PSME4: variants seen among roughly 807,000 people sequenced by gnomAD.
PSME4 encodes the protein proteasome activator subunit 4.
Under a neutral mutation model 253.9 loss-of-function variants are expected in PSME4, and 89 were observed. The observed-to-expected ratio is 0.35, with a 90% CI of 0.30 to 0.42. The LOEUF (loss-of-function observed/expected upper bound fraction) is 0.42. PSME4 is among the 10% of genes least tolerant of loss of function. PSME4 has a pLI of 1.00. For missense variants in PSME4, 2,014 were observed against 2,195.2 expected (o/e 0.92, Z 1.65); for synonymous variants, 851 against 759.2 (o/e 1.12, Z -1.99).
intron 1 of PSME4, among the ~76,000 whole-genome samples, chr2:53,952,047 A>G (rs1670023679): frequency 1.3e-5 from 2 of 152,030 alleles, no homozygotes. Context: ...GAACACAAAC[A>G]TCTCCCTAAA....
intron 20 of PSME4, among the ~76,000 whole-genome samples, chr2:53,918,609 G>GGC (rs968654024): frequency 2.6e-5 from 4 of 151,686 alleles, no homozygotes; most frequent in African/African-American, 9.7e-5. Flanking sequence ...CACCGCACTG[G>GGC]GCCTCTGCTG....
chr2:53,970,296 C>T (rs182580298), intron 1 of PSME4, among the ~76,000 whole-genome samples: 274 of 152,328 alleles, frequency 1.8e-3, no homozygotes, highest in Non-Finnish European at 2.9e-3. Flanking sequence ...AACCCGAACA[C>T]TTCGGGAGAA....
chr2:53,970,475 C>T lies in PSME4; in HGVS notation c.242+68G>A, dbSNP rs1671013404. 6 of 1,544,176 alleles carry T rather than the reference C, an allele frequency of 3.9e-6. No individual in the cohort carries two copies. In the South Asian group the frequency reaches 4.8e-5, roughly 12 times the overall value. ...AGGGTCCAGCCCTCTGGACAAAGAGCAACCATCCCCGACACCTCTCACTGA... is the reference window on the plus strand; with the variant it reads ...AGGGTCCAGCCCTCTGGACAAAGAGTAACCATCCCCGACACCTCTCACTGA... On this transcript the variant is annotated intron_variant, in intron 1 of 46. Coordinates refer to ENST00000404125, the MANE Select transcript of PSME4 (RefSeq NM_014614.3).
intron 14 of PSME4, among the ~76,000 whole-genome samples, chr2:53,923,924 A>C (rs1176047718): frequency 1.6e-5 from 1 of 62,934 alleles, no homozygotes; most frequent in East Asian, 8.7e-4. Flanking sequence ...AAAAAAAAAA[A>C]AAAAAAAAAA....
chr2:53,885,861 T>C (rs1001640073), intron 40 of PSME4, 86 bp from the exon 41 acceptor site: 39 of 877,150 alleles, frequency 4.4e-5, no homozygotes, highest in East Asian at 1.0e-4. Flanking sequence ...GTTATTGTCA[T>C]ACAGCCACTC....
intron 3 of PSME4, among the ~76,000 whole-genome samples, chr2:53,947,607 G>A (rs949544041): frequency 1.3e-5 from 2 of 152,346 alleles, no homozygotes; most frequent in African/African-American, 4.8e-5. Context: ...TCGGGAGGCT[G>A]AGGCAGGAGA....
intron 41 of PSME4, among the ~76,000 whole-genome samples, chr2:53,876,371 C>G (rs1679120231): frequency 6.6e-6 from 1 of 152,132 alleles, no homozygotes; most frequent in Admixed American, 6.5e-5. Context: ...GATTGCATCC[C>G]TGCAGTGGTA....
At chr2:53,905,422 C>T (rs936024802) in intron 26 of PSME4, among the ~76,000 whole-genome samples, 3 of 152,126 alleles carry the variant, frequency 2.0e-5, no homozygotes, top group African/African-American at 2.4e-5. Context: ...TTCAGGTAGC[C>T]GGGCATGGTG....
At chr2:53,923,913 CAAAAAAAAAAAA>C (rs199929436) in intron 14 of PSME4, among the ~76,000 whole-genome samples, 1,467 of 96,880 alleles carry the variant, frequency 0.015, 22 homozygotes, top group African/African-American at 0.062. Context: ...ACAGAGTTAA[CAAAAAAAAAAAA>C]AAAAAAAAAA....
At chr2:53,924,731 G>A (rs867670100) in intron 14 of PSME4, among the ~76,000 whole-genome samples, 1 of 151,906 alleles carries the variant, frequency 6.6e-6, no homozygotes, top group Non-Finnish European at 1.5e-5. Context: ...CCATTAACTC[G>A]TCACTTACAT....
chr2:53,901,250 C>G, intron 28 of PSME4, 100 bp downstream of exon 28: 1 of 1,110,782 alleles, frequency 9.0e-7, no homozygotes, highest in South Asian at 1.5e-5. Flanking sequence ...GACTCAAATG[C>G]CAAGAATATT....
At position 53,936,638 on chromosome 2, in the gene PSME4, T is replaced by A. The variant is rs1669130064; in HGVS notation, c.759+126A>T. ...TGATCATAACATGGCTAACAGCCAA[T>A]CCTAAGGAACTTCAAGTTACTTACC... On this transcript the variant is annotated intron_variant, in intron 6 of 46. Transcript: ENST00000404125. The A allele has an allele frequency of 6.3e-6, 4 of 632,730 alleles. 1 individual carries two copies. The highest frequency in any genetic ancestry group is 5.6e-5 in the South Asian group (2 of 35,842). The allele number at this position is 632,730 out of a possible 1,614,324, so 39.2% of individuals were successfully genotyped here.
At position 53,920,962 on chromosome 2, in the gene PSME4, A is replaced by T; in HGVS notation, c.2189T>A (p.Leu730His). The T allele has an allele frequency of 6.2e-7, 1 of 1,614,078 alleles. No individual in the cohort carries two copies. The highest frequency in any genetic ancestry group is 8.5e-7 in the Non-Finnish European group (1 of 1,179,944). Reference sequence around the variant, plus strand: ...ACTGCAGTATTCTGTAGGGTAGATAAGTGTGGTAGAACGGAGAAGATGATG... The same window carrying T: ...ACTGCAGTATTCTGTAGGGTAGATATGTGTGGTAGAACGGAGAAGATGATG... ...LLHHLLRSTTLIYPTEYCSVP... is the reference protein window; with the variant it reads ...LLHHLLRSTTHIYPTEYCSVP... The change falls in exon 18 of 47, where the codon CTT becomes CAT. Residue 730 changes from leucine to histidine, a missense_variant. Physicochemically the swap from Leu to His is moderately conservative, Grantham distance 99. Around this residue, in one of 4 missense-constraint regions of PSME4, gnomAD observed 989 missense variants for 1,021.1 expected, o/e 0.97. Transcript: ENST00000404125.
intron 8 of PSME4, among the ~76,000 whole-genome samples, chr2:53,934,192 C>T (rs954753347): frequency 1.3e-5 from 2 of 152,138 alleles, no homozygotes; most frequent in Non-Finnish European, 2.9e-5. Context: ...TCTCCCTTCA[C>T]TAAGATTACT....
intron 20 of PSME4, among the ~76,000 whole-genome samples, chr2:53,918,584 G>T (rs140845638): frequency 6.6e-6 from 1 of 151,940 alleles, no homozygotes; most frequent in Admixed American, 6.6e-5. Context: ...CAAAAGATCC[G>T]CCTGCCTCAT....
At chr2:53,952,610 T>C (rs150300559) in intron 1 of PSME4, among the ~76,000 whole-genome samples, 4 of 152,282 alleles carry the variant, frequency 2.6e-5, no homozygotes, top group African/African-American at 9.6e-5. Context: ...GTGGTTAGGA[T>C]ACTTCTGCAG....
rs750110439 is a variant in PSME4 at position 53,874,500 on chromosome 2, A to G, written c.4945-6T>C. ...CAAGAACTGCTTCTTGCTGTCTGTG[A>G]ATGACAAATAAATATAAACGATAAA... On this transcript the variant is annotated splice_region_variant and splice_polypyrimidine_tract_variant and intron_variant, in intron 42 of 46. Transcript: ENST00000404125. 6.2e-7 allele frequency: 1 copy of G among 1,612,810 alleles called. No homozygotes were observed. The highest frequency in any genetic ancestry group is 1.3e-5 in the African/African-American group (1 of 75,004).
At chr2:53,951,095 C>T (rs906143724) in intron 1 of PSME4, among the ~76,000 whole-genome samples, 4 of 151,588 alleles carry the variant, frequency 2.6e-5, no homozygotes, top group Non-Finnish European at 4.4e-5. Flanking sequence ...TCTTTTTTTT[C>T]CCCCCAAGAC....
At chr2:53,879,804 A>G (rs1484314031) in intron 41 of PSME4, among the ~76,000 whole-genome samples, 1 of 149,400 alleles carries the variant, frequency 6.7e-6, no homozygotes, top group Non-Finnish European at 1.5e-5. Flanking sequence ...CCTGTCTCAA[A>G]AAAAAAAAAA....
Sources: allele counts gnomAD v4.1 joint callset (sites outside exome capture counted in the v4.1 genomes callset), GRCh38; gene constraint gnomAD v4.1.1; regional missense constraint gnomAD v4.1.1; transcripts MANE v1.5; gene names NCBI Gene and HGNC (gene_info 2026-07-23, HGNC 2026-07-21).